TMEM14A: variants seen among roughly 807,000 people sequenced by gnomAD.
TMEM14A encodes transmembrane protein 14A.
Under a neutral mutation model 11.6 loss-of-function variants are expected in TMEM14A, and 8 were observed. The observed-to-expected ratio is 0.69, with a 90% CI of 0.40 to 1.24. TMEM14A has a LOEUF of 1.24. Ranked by LOEUF, TMEM14A falls within the 50% of genes most tolerant of loss-of-function variation. TMEM14A has a pLI of 0.01. For synonymous variants in TMEM14A, 34 were observed against 45.5 expected, an observed-to-expected ratio of 0.75 and a Z score of 1.02; for missense variants, 108 against 121.9, an observed-to-expected ratio of 0.89 and a Z score of 0.54.
Position 52,677,381 on chromosome 6 carries a change from C to G in TMEM14A, c.70+209C>G, listed in dbSNP as rs554369384. Among the ~76,000 whole-genome samples the G allele has an allele frequency of 3.9e-5, 6 of 152,242 alleles. 1 individual carries two copies. Among genetic ancestry groups the G allele is most frequent in the Admixed American group, 3.3e-4 (5 of 15,286 alleles). ...GTTCCAACCTGGGGGTTCTGGGCCT[C>G]TCTTCCACCACAAAACTCTCACTTC... is the stretch of plus-strand genomic sequence containing the variant. On this transcript the variant is annotated intron_variant, in intron 2 of 4. Coordinates refer to ENST00000211314, the MANE Select transcript of TMEM14A (RefSeq NM_014051.4).
At chr6:52,682,508 A>G (rs1769408431) in intron 3 of TMEM14A, among the ~76,000 whole-genome samples, 1 of 152,052 alleles carries the variant, frequency 6.6e-6, no homozygotes, top group African/African-American at 2.4e-5. Context: ...TAGTTGATTT[A>G]TTATTCAAAG....
chr6:52,677,162 T>G lies in TMEM14A; in HGVS notation c.60T>G (p.Tyr20Ter). The G allele has an allele frequency of 6.2e-7, 1 of 1,614,194 alleles. No individual in the cohort carries two copies. The highest frequency in any genetic ancestry group is 8.5e-7 in the Non-Finnish European group (1 of 1,180,040). Residue 20 changes from tyrosine to a stop codon, truncating the protein, a stop_gained, in exon 2 of 5, where the codon TAT becomes TAG. Transcript: ENST00000211314. LOFTEE classifies it high-confidence loss of function. The stretch of plus-strand genomic sequence containing the variant: ...TGACATTTGGAAGCATTTTTGGATA[T>G]AAGCGGAGAGGTAAGCCTAACCCAA... ...ALVTFGSIFG[Y>*]KRRGGVPSLI... is the part of the protein sequence containing the mutation.
intron 2 of TMEM14A, among the ~76,000 whole-genome samples, chr6:52,680,819 A>T (rs1769376857): frequency 6.7e-6 from 1 of 148,694 alleles, no homozygotes; most frequent in Admixed American, 6.8e-5. Context: ...TTAGGAGTAG[A>T]ACCTAGCGTG....
chr6:52,686,272 A>G lies in TMEM14A; in HGVS notation c.*223A>G, dbSNP rs1769492328. ...TATTTTCATTAAAAGTGTCTAATGA[A>G]TCATGATATACTCTTCCATTTGTTG... On this transcript the variant is annotated 3_prime_UTR_variant, in exon 5 of 5. Coordinates refer to ENST00000211314, the MANE Select transcript of TMEM14A (RefSeq NM_014051.4). 1 of 449,334 alleles carries G rather than the reference A, an allele frequency of 2.2e-6. No homozygotes were observed. The allele number at this position is 449,334 out of a possible 1,614,324, so 27.8% of individuals were successfully genotyped here.
intron 3 of TMEM14A, among the ~76,000 whole-genome samples, chr6:52,683,710 C>T (rs1278803726): frequency 6.6e-6 from 1 of 150,858 alleles, no homozygotes; most frequent in Non-Finnish European, 1.5e-5. Context: ...CTCCCCGGTT[C>T]AAGCAATTCT....
Position 52,680,691 on chromosome 6 carries a change from G to GTATATATATATATACATATATGTA in TMEM14A, c.71-1106_71-1105insTATATGTATATATATATATATACA, listed in dbSNP as rs1769368338. 8.5e-5 allele frequency among the ~76,000 whole-genome samples: 3 copies of GTATATATATATATACATATATGTA among 35,336 alleles called. 1 individual carries two copies. The East Asian group carries it at 3.2e-3, about 37-fold the overall frequency. The allele number at this position is 35,336 out of a possible 152,430, so 23.2% of individuals were successfully genotyped here. A position where few individuals can be genotyped will look rare whatever the true frequency, so the allele number is the denominator to read the frequency against. On this transcript the variant is annotated intron_variant, in intron 2 of 4. Coordinates refer to ENST00000211314, the MANE Select transcript of TMEM14A (RefSeq NM_014051.4). ...TGTGTATATATATATATACATATAT[G>GTATATATATATATACATATATGTA]TATATATATATATACACATATATAT... is the stretch of plus-strand genomic sequence containing the variant.
intron 4 of TMEM14A, among the ~76,000 whole-genome samples, chr6:52,685,693 G>A (rs973455555): frequency 1.3e-5 from 2 of 152,090 alleles, no homozygotes; most frequent in South Asian, 2.1e-4. Flanking sequence ...GCCCCAAGTT[G>A]GTCCTCGATT....
chr6:52,679,567 C>T (rs1769326785), intron 2 of TMEM14A, among the ~76,000 whole-genome samples: 1 of 152,150 alleles, frequency 6.6e-6, no homozygotes, highest in Non-Finnish European at 1.5e-5. Context: ...GACTGCCCCA[C>T]CCAGATCAGG....
At chr6:52,682,536 GA>G (rs373527001) in intron 3 of TMEM14A, among the ~76,000 whole-genome samples, 4 of 149,918 alleles carry the variant, frequency 2.7e-5, no homozygotes, top group Non-Finnish European at 4.4e-5. Flanking sequence ...GTCGTGTATG[GA>G]AAAAAATATA....
intron 2 of TMEM14A, among the ~76,000 whole-genome samples, chr6:52,680,684 CATATATGTATATATAT>C (rs1467230631): frequency 3.4e-4 from 13 of 38,702 alleles, no homozygotes; most frequent in South Asian, 1.1e-3. Context: ...TATATATATA[CATATATGTATATATAT>C]ATATACACAT....
chr6:52,685,591 G>GAAAAAAAA (rs56713067), intron 4 of TMEM14A, among the ~76,000 whole-genome samples: 2 of 146,360 alleles, frequency 1.4e-5, no homozygotes, highest in Non-Finnish European at 1.5e-5. Flanking sequence ...TCAGAAAAAA[G>GAAAAAAAA]AAAAAAAAAA....
chr6:52,684,604 A>G (rs1769459903), intron 4 of TMEM14A, among the ~76,000 whole-genome samples: 2 of 152,346 alleles, frequency 1.3e-5, no homozygotes, highest in South Asian at 2.1e-4. Flanking sequence ...AGAAGTTTTA[A>G]TATTTTTTAA....
chr6:52,680,026 C>T (rs549471388), intron 2 of TMEM14A, among the ~76,000 whole-genome samples: 745 of 151,956 alleles, frequency 4.9e-3, no homozygotes, highest in Non-Finnish European at 7.6e-3. Context: ...TATCTGGTAT[C>T]TTCTGCTTGA....
At chr6:52,681,977 C>T in intron 3 of TMEM14A, 63 bp downstream of exon 3, 1 of 1,398,136 alleles carries the variant, frequency 7.2e-7, no homozygotes, top group East Asian at 2.3e-5. Context: ...TTTTGATACC[C>T]TATGCTAGAT....
chr6:52,684,179 T>C lies in TMEM14A; in HGVS notation c.260+14T>C, dbSNP rs566696891. On this transcript the variant is annotated intron_variant, in intron 4 of 4. Transcript: ENST00000211314. Reference sequence around the variant, plus strand: ...TGCAGGTTTAAGGTAAGTAAAACTATTTTGATCAATACTTTCCTCTGCTGT... The same window carrying C: ...TGCAGGTTTAAGGTAAGTAAAACTACTTTGATCAATACTTTCCTCTGCTGT... 7 of 1,608,988 alleles carry C rather than the reference T, an allele frequency of 4.4e-6. No homozygotes were observed. In the South Asian group the frequency reaches 7.8e-5, roughly 18 times the overall value.
intron 3 of TMEM14A, 82 bp downstream of exon 3, chr6:52,681,996 A>G: frequency 8.7e-7 from 1 of 1,153,344 alleles, no homozygotes; most frequent in South Asian, 1.4e-5. Flanking sequence ...ATATACTAGA[A>G]CATATTTAGT....
intron 1 of TMEM14A, 57 bp from the exon 2 acceptor site, chr6:52,677,030 A>C (rs1024097004): frequency 4.2e-5 from 63 of 1,505,614 alleles, no homozygotes; most frequent in Non-Finnish European, 5.4e-5. Flanking sequence ...TTTTAGATAC[A>C]TTCCCTCCCC....
chr6:52,675,039 G>A (rs978913204), intron 1 of TMEM14A, among the ~76,000 whole-genome samples: 1 of 151,906 alleles, frequency 6.6e-6, no homozygotes, highest in Non-Finnish European at 1.5e-5. Context: ...ACCATGCCAC[G>A]TCCGGGTAAT....
chr6:52,681,431 A>G (rs1204050213), intron 2 of TMEM14A, among the ~76,000 whole-genome samples: 1 of 152,180 alleles, frequency 6.6e-6, no homozygotes, highest in Non-Finnish European at 1.5e-5. Flanking sequence ...TTATCATCAC[A>G]ACCTCATTGC....
Sources: gnomAD v4.1 joint callset for allele counts (sites outside exome capture counted in the v4.1 genomes callset) on GRCh38, gnomAD v4.1.1 for gene constraint, MANE v1.5 for transcripts, NCBI Gene and HGNC (gene_info 2026-07-23, HGNC 2026-07-21) for gene names.